Variants in TMEM132B observed in about 807,000 individuals in gnomAD.
TMEM132B encodes the protein transmembrane protein 132B.
In TMEM132B, 18 loss-of-function variants were observed where a neutral mutation model predicts 90.8. The ratio of observed to expected loss-of-function variants is 0.20; its 90% CI spans 0.14 to 0.29. TMEM132B has a LOEUF of 0.29. TMEM132B is among the 10% of genes least tolerant of loss of function. The pLI, the probability that TMEM132B is intolerant of heterozygous loss-of-function variation, is 1.00. For synonymous variants in TMEM132B, 504 were observed against 523.3 expected (o/e 0.96, Z 0.50); for missense variants, 1,096 against 1,326.8 (o/e 0.83, Z 2.70).
intron 1 of TMEM132B, among the ~76,000 whole-genome samples, chr12:125,215,810 G>A (rs903242277): frequency 6.6e-6 from 1 of 152,228 alleles, no homozygotes. Context: ...CCAAAGTGCT[G>A]GTATTACAGG....
chr12:125,397,354 A>G (rs1365609441), intron 2 of TMEM132B, among the ~76,000 whole-genome samples: 1 of 152,200 alleles, frequency 6.6e-6, no homozygotes, highest in Non-Finnish European at 1.5e-5. Context: ...CTTGGCAAAT[A>G]GACCTTAAAT....
intron 1 of TMEM132B, among the ~76,000 whole-genome samples, chr12:125,286,714 T>A (rs1258431980): frequency 6.6e-6 from 1 of 152,034 alleles, no homozygotes; most frequent in Non-Finnish European, 1.5e-5. Context: ...TCCTTTTTTT[T>A]TTGTTTTGAG....
intron 5 of TMEM132B, among the ~76,000 whole-genome samples, chr12:125,592,770 G>T (rs1885348081): frequency 6.6e-6 from 1 of 152,208 alleles, no homozygotes; most frequent in African/African-American, 2.4e-5. Context: ...TGTGCTGAAT[G>T]TGGTCCTTAG....
chr12:125,201,540 T>C (rs1593039598), intron 1 of TMEM132B, among the ~76,000 whole-genome samples: 1 of 152,254 alleles, frequency 6.6e-6, no homozygotes, highest in African/African-American at 2.4e-5. Flanking sequence ...GCCCCTCTGC[T>C]AGCTGCTTAT....
intron 3 of TMEM132B, among the ~76,000 whole-genome samples, chr12:125,484,943 A>G (rs910286209): frequency 1.3e-5 from 2 of 152,108 alleles, no homozygotes; most frequent in Non-Finnish European, 2.9e-5. Context: ...TTAAACTGGT[A>G]GGCTGGTGTC....
intron 5 of TMEM132B, among the ~76,000 whole-genome samples, chr12:125,615,193 T>G (rs934157224): frequency 3.3e-5 from 5 of 152,154 alleles, no homozygotes; most frequent in African/African-American, 1.2e-4. Context: ...ACTTCTTAGA[T>G]GTGTAGACTA....
At chr12:125,190,627 TGATGGTGATGGGGAAGGGGTGGC>T (rs1957793994) in intron 1 of TMEM132B, among the ~76,000 whole-genome samples, 1 of 48,532 alleles carries the variant, frequency 2.1e-5, no homozygotes, top group Non-Finnish European at 3.8e-5. Context: ...ATAGTGATGG[TGATGGTGATGGGGAAGGGGTGGC>T]GATGGTGATG....
intron 2 of TMEM132B, among the ~76,000 whole-genome samples, chr12:125,363,896 A>C (rs536922523): frequency 1.3e-5 from 2 of 152,234 alleles, no homozygotes; most frequent in South Asian, 4.1e-4. Flanking sequence ...GAAAGTGGAT[A>C]AATGAATAGC....
intron 1 of TMEM132B, among the ~76,000 whole-genome samples, chr12:125,346,810 A>G (rs1877383166): frequency 6.6e-6 from 1 of 152,220 alleles, no homozygotes; most frequent in Non-Finnish European, 1.5e-5. Flanking sequence ...GTTTAAATAG[A>G]TTTGAGATAA....
At chr12:125,450,685 A>G (rs1366023605) in intron 3 of TMEM132B, among the ~76,000 whole-genome samples, 1 of 152,204 alleles carries the variant, frequency 6.6e-6, no homozygotes, top group Non-Finnish European at 1.5e-5. Flanking sequence ...GATGATTGGC[A>G]CATTATTTAC....
intron 3 of TMEM132B, among the ~76,000 whole-genome samples, chr12:125,430,651 C>A (rs1269584704): frequency 6.6e-6 from 1 of 152,170 alleles, no homozygotes; most frequent in African/African-American, 2.4e-5. Context: ...CTGCATCCAG[C>A]GTCCTGTGCT....
At chr12:125,370,268 A>G (rs1272413118) in intron 2 of TMEM132B, among the ~76,000 whole-genome samples, 8 of 152,128 alleles carry the variant, frequency 5.3e-5, no homozygotes, top group Non-Finnish European at 1.5e-5. Context: ...AGAATGTTAG[A>G]GTATCAAGGA....
chr12:125,542,293 T>C (rs558630112), intron 4 of TMEM132B, among the ~76,000 whole-genome samples: 1 of 152,310 alleles, frequency 6.6e-6, no homozygotes, highest in African/African-American at 2.4e-5. Context: ...AGGAAAATAA[T>C]GTCTTTAGAT....
intron 3 of TMEM132B, among the ~76,000 whole-genome samples, chr12:125,432,568 A>AGAGAGAGAGAGAGAGAGAG (rs1566034955): frequency 2.4e-5 from 1 of 41,934 alleles, no homozygotes; most frequent in Non-Finnish European, 4.6e-5. Context: ...GAGAGAGAGA[A>AGAGAGAGAGAGAGAGAGAG]AGAGAGTGTT....
At chr12:125,304,713 C>T (rs1426571128) in intron 1 of TMEM132B, among the ~76,000 whole-genome samples, 2 of 152,070 alleles carry the variant, frequency 1.3e-5, no homozygotes, top group African/African-American at 4.8e-5. Context: ...TGCCTGTAGT[C>T]CCAACTACTT....
At chr12:125,317,359 G>C (rs1379608126) in intron 1 of TMEM132B, among the ~76,000 whole-genome samples, 1 of 152,158 alleles carries the variant, frequency 6.6e-6, no homozygotes, top group Non-Finnish European at 1.5e-5. Context: ...TGTGTAAAAG[G>C]CTGAGTCTCC....
intron 1 of TMEM132B, among the ~76,000 whole-genome samples, chr12:125,341,425 A>C (rs1877176428): frequency 6.6e-6 from 1 of 152,240 alleles, no homozygotes; most frequent in Non-Finnish European, 1.5e-5. Context: ...AATACCTGCA[A>C]AATGCTTAGT....
chr12:125,644,181 G>T lies in TMEM132B; in HGVS notation c.1543G>T (p.Val515Phe). The change falls in exon 6 of 9, where the codon GTC becomes TTC. Residue 515 changes from valine to phenylalanine, a missense_variant. By Grantham distance (50) the Val-to-Phe change is conservative. Coordinates refer to ENST00000682704, the MANE Select transcript of TMEM132B (RefSeq NM_001366854.1). ...CCAGCACTTCACCTCCCAGTTCGAG[G>T]TCACTGTCTGGGCACCCAGGCTCCC... Reference protein sequence around the residue: ...THQHFTSQFEVTVWAPRLPLQ... With the variant: ...THQHFTSQFEFTVWAPRLPLQ... 6.2e-7 allele frequency: 1 copy of T among 1,614,192 alleles called. No homozygotes were observed. Among genetic ancestry groups the T allele is most frequent in the Non-Finnish European group, 8.5e-7 (1 of 1,180,040 alleles).
chr12:125,505,297 G>T (rs1882818413), intron 3 of TMEM132B, among the ~76,000 whole-genome samples: 1 of 150,970 alleles, frequency 6.6e-6, no homozygotes, highest in Non-Finnish European at 1.5e-5. Flanking sequence ...AGACATTAAG[G>T]AAAATATGCT....
Sources: gnomAD v4.1 joint callset for allele counts (sites outside exome capture counted in the v4.1 genomes callset) on GRCh38, gnomAD v4.1.1 for gene constraint, MANE v1.5 for transcripts, NCBI Gene and HGNC (gene_info 2026-07-23, HGNC 2026-07-21) for gene names.